The following PTH1R variants were observed in gnomAD, a reference collection of about 807,000 sequenced individuals.
PTH1R encodes parathyroid hormone 1 receptor.
In PTH1R, 32 loss-of-function variants were observed where a neutral mutation model predicts 70.7. The ratio of observed to expected loss-of-function variants is 0.45; its 90% CI spans 0.34 to 0.61. The LOEUF is 0.61. Ranked by LOEUF, PTH1R falls within the 20% of genes least tolerant of loss-of-function variation. PTH1R has a pLI of 0.01. For missense variants in PTH1R, 626 were observed against 792.5 expected (o/e 0.79, Z 2.52); for synonymous variants, 329 against 324.8 (o/e 1.01, Z -0.14).
rs2032224203 is a variant in PTH1R at position 46,903,022 on chromosome 3, T to C, written c.1395+232T>C. 1.0e-6 allele frequency: 1 copy of C among 962,298 alleles called. No individual in the cohort carries two copies. The highest frequency in any genetic ancestry group is 1.4e-5 in the South Asian group (1 of 72,112). 59.6% of individuals were successfully genotyped at this position (962,298 alleles called of 1,614,324 possible). A position where few individuals can be genotyped will look rare whatever the true frequency, so the allele number is the denominator to read the frequency against. ...GCCAAGTGTCTTCCCAGCCCCATGG[T>C]TCAATTATCTGTGACCCAGATTGGA... On this transcript the variant is annotated intron_variant, in intron 15 of 15. Coordinates refer to ENST00000449590, the MANE Select transcript of PTH1R (RefSeq NM_000316.3). This position sits in a 1 kb window ranked among gnomAD's most constrained non-coding sequence, Gnocchi z 4.4.
Position 46,891,510 on chromosome 3 carries a change from T to C in PTH1R, c.76-2397T>C, listed in dbSNP as rs2031414304. ...AAGGATGTGTGGGAGCCTCCGTCAG[T>C]CACTCCAGAGCTCTCCATCAGCTGG... is the stretch of plus-strand genomic sequence containing the variant. On this transcript the variant is annotated intron_variant, in intron 3 of 15. Transcript: ENST00000449590. This position sits in a 1 kb window ranked among gnomAD's most constrained non-coding sequence, Gnocchi z 4.3. Among the ~76,000 whole-genome samples the C allele has an allele frequency of 1.3e-5, 2 of 152,202 alleles. No individual in the cohort carries two copies. Among genetic ancestry groups the C allele is most frequent in the Non-Finnish European group, 2.9e-5 (2 of 68,030 alleles).
chr3:46,883,582 C>A lies in PTH1R; in HGVS notation c.23C>A (p.Pro8His). The A allele has an allele frequency of 6.5e-7, 1 of 1,540,134 alleles. No individual in the cohort carries two copies. Among genetic ancestry groups the A allele is most frequent in the East Asian group, 2.4e-5 (1 of 40,884 alleles). The part of the protein sequence containing the change: MGTARIA[P>H]GLALLLCCPV... ...GCGATGGGGACCGCCCGGATCGCAC[C>A]CGGCCTGGCGCTCCTGCTCTGCTGC... The change falls in exon 3 of 16, where the codon CCC becomes CAC. Residue 8 changes from proline to histidine, a missense_variant. Physicochemically the swap from Pro to His is moderately conservative, Grantham distance 77. This residue lies in a region of PTH1R where 123 missense variants were observed against 125.7 expected (regional missense o/e 0.98). Transcript: ENST00000449590. The surrounding 1 kb of genome is among the most constrained non-coding windows in gnomAD (Gnocchi z 6.4).
At position 46,893,794 on chromosome 3, in the gene PTH1R, T is replaced by G; in HGVS notation, c.76-113T>G. On this transcript the variant is annotated intron_variant, in intron 3 of 15. Coordinates refer to ENST00000449590, the MANE Select transcript of PTH1R (RefSeq NM_000316.3). This position sits in a 1 kb window ranked among gnomAD's most constrained non-coding sequence, Gnocchi z 5.2. ...CATGCAGGGGAAATCCCACCTTCCC[T>G]CTAGAGTCAGGGCCTTTTGAAAGGG... 2 of 955,614 alleles carry G rather than the reference T, an allele frequency of 2.1e-6. No homozygotes were observed. Among genetic ancestry groups the G allele is most frequent in the Non-Finnish European group, 3.3e-6 (2 of 603,524 alleles). 59.2% of individuals were successfully genotyped at this position (955,614 alleles called of 1,614,324 possible).
chr3:46,890,495 GC>G (rs1278623984), intron 3 of PTH1R, among the ~76,000 whole-genome samples: 3 of 132,270 alleles, frequency 2.3e-5, no homozygotes, highest in Non-Finnish European at 3.2e-5. Context: ...CTTCACAGCA[GC>G]TTTTTTTTTT....
chr3:46,880,938 A>G (rs1405332888), intron 1 of PTH1R, 124 bp from the exon 2 acceptor site: 2 of 152,216 alleles, frequency 1.3e-5, no homozygotes, highest in East Asian at 3.9e-4. Context: ...GAGGAGCTCA[A>G]TATCCACAGG....
chr3:46,902,828 G>A lies in PTH1R; in HGVS notation c.1395+38G>A, dbSNP rs200835132. The A allele has an allele frequency of 8.7e-6, 14 of 1,612,166 alleles. No homozygotes were observed. In the African/African-American group the frequency reaches 1.5e-4, roughly 17 times the overall value. On this transcript the variant is annotated intron_variant, in intron 15 of 15. Coordinates refer to ENST00000449590, the MANE Select transcript of PTH1R (RefSeq NM_000316.3). This position sits in a 1 kb window ranked among gnomAD's most constrained non-coding sequence, Gnocchi z 5.4. ...CAGTGTTGGCATAGGGCAGGGTGGG[G>A]CAGATACCCCAGAGGCTTCCTCAAG...
intron 3 of PTH1R, among the ~76,000 whole-genome samples, chr3:46,886,928 CTCTT>C (rs2031074048): frequency 6.6e-6 from 1 of 152,024 alleles, no homozygotes; most frequent in Admixed American, 6.6e-5. Context: ...TCTGGGTTTT[CTCTT>C]TCTTTTTTCT....
rs936184 is a variant in PTH1R, at chr3:46,896,757, A to C, written c.313+888A>C. 0.81 allele frequency among the ~76,000 whole-genome samples: 123,548 copies of C among 152,092 alleles called. 50,896 individuals carry two copies. The highest frequency in any genetic ancestry group is 0.95 in the African/African-American group (39,557 of 41,520). On this transcript the variant is annotated intron_variant, in intron 5 of 15. Coordinates refer to ENST00000449590, the MANE Select transcript of PTH1R (RefSeq NM_000316.3). The surrounding 1 kb of genome is among the most constrained non-coding windows in gnomAD (Gnocchi z 4.1). ...AAGCTGGGAGTGGAATGTGGAAGATACAGAGGCTGGGGACCCTCCAAGGTC... is the reference window on the plus strand; with the variant it reads ...AAGCTGGGAGTGGAATGTGGAAGATCCAGAGGCTGGGGACCCTCCAAGGTC...
rs777511841 is a variant in PTH1R, at chr3:46,903,300, C to T, written c.1426C>T (p.Arg476Cys). ...VQAEIKKSWS[R>C]WTLALDFKRK... Reference sequence around the variant, plus strand: ...AGCTGAGATCAAGAAATCTTGGAGCCGCTGGACACTGGCACTGGACTTCAA... The same window carrying T: ...AGCTGAGATCAAGAAATCTTGGAGCTGCTGGACACTGGCACTGGACTTCAA... Residue 476 changes from arginine to cysteine, a missense_variant, in exon 16 of 16, where the codon CGC (arginine) becomes TGC (cysteine). Coordinates refer to ENST00000449590, the MANE Select transcript of PTH1R (RefSeq NM_000316.3). The surrounding 1 kb of genome is among the most constrained non-coding windows in gnomAD (Gnocchi z 4.4). The T allele has an allele frequency of 5.0e-6, 8 of 1,613,286 alleles. No individual in the cohort carries two copies. The Admixed American group carries it at 6.7e-5, about 13-fold the overall frequency.
In PTH1R at chr3:46,902,462, G is replaced by C; in HGVS notation, c.1212-64G>C. ...GGAGCCTGGGGCTCGCAGGGTGGGG[G>C]GTGGCACAATGCTTGTTGAAGGGGA... On this transcript the variant is annotated intron_variant, in intron 13 of 15. Coordinates refer to ENST00000449590, the MANE Select transcript of PTH1R (RefSeq NM_000316.3). This position sits in a 1 kb window ranked among gnomAD's most constrained non-coding sequence, Gnocchi z 5.4. 3.1e-6 allele frequency: 5 copies of C among 1,590,352 alleles called. No individual in the cohort carries two copies. The highest frequency in any genetic ancestry group is 4.3e-6 in the Non-Finnish European group (5 of 1,168,802).
intron 3 of PTH1R, among the ~76,000 whole-genome samples, chr3:46,887,675 T>C (rs1423418111): frequency 6.6e-6 from 1 of 152,194 alleles, no homozygotes; most frequent in Non-Finnish European, 1.5e-5. Context: ...TGTCTGGTTG[T>C]TTTTAAATAA....
rs1320410875 is a variant in PTH1R at position 46,892,536 on chromosome 3, G to A, written c.76-1371G>A. 6.6e-6 allele frequency among the ~76,000 whole-genome samples: 1 copy of A among 152,208 alleles called. No homozygotes were observed. The highest frequency in any genetic ancestry group is 2.4e-5 in the African/African-American group (1 of 41,454). On this transcript the variant is annotated intron_variant, in intron 3 of 15. Coordinates refer to ENST00000449590, the MANE Select transcript of PTH1R (RefSeq NM_000316.3). The surrounding 1 kb of genome is among the most constrained non-coding windows in gnomAD (Gnocchi z 5.2). ...AGTGGAACCAGCAGAACCCAAGGCC[G>A]GCCGAGCCAATTGGAGACTCCTTGG... is the stretch of plus-strand genomic sequence containing the variant.
intron 4 of PTH1R, 130 bp from the exon 5 acceptor site, chr3:46,895,604 AC>A: frequency 6.5e-6 from 9 of 1,395,134 alleles, no homozygotes; most frequent in Non-Finnish European, 8.1e-6. Context: ...AGATCTCCCA[AC>A]AGCCTAGGTG....
At chr3:46,888,797 C>G (rs1188049692) in intron 3 of PTH1R, among the ~76,000 whole-genome samples, 1 of 152,204 alleles carries the variant, frequency 6.6e-6, no homozygotes, top group African/African-American at 2.4e-5. Flanking sequence ...GAAGATCCAC[C>G]AGGTCGTAGC....
In PTH1R at chr3:46,883,543, G is replaced by A. The variant is rs2030803046; in HGVS notation, c.-17G>A. 1.3e-6 allele frequency: 2 copies of A among 1,512,006 alleles called. No homozygotes were observed. Among genetic ancestry groups the A allele is most frequent in the Non-Finnish European group, 1.8e-6 (2 of 1,135,314 alleles). The allele number at this position is 1,512,006 out of a possible 1,614,324, so 93.7% of individuals were successfully genotyped here. ...CGGCGGCGGCTGCCCCGAGGGACGC[G>A]GCCCTAGGCGGTGGCGATGGGGACC... On this transcript the variant is annotated 5_prime_UTR_variant, in exon 3 of 16. Coordinates refer to ENST00000449590, the MANE Select transcript of PTH1R (RefSeq NM_000316.3). This position sits in a 1 kb window ranked among gnomAD's most constrained non-coding sequence, Gnocchi z 6.4.
Position 46,903,716 on chromosome 3 carries a change from G to T in PTH1R, c.*60G>T. The T allele has an allele frequency of 6.3e-7, 1 of 1,599,088 alleles. No homozygotes were observed. The highest frequency in any genetic ancestry group is 1.1e-5 in the South Asian group (1 of 90,814). ...GATGGACAGATGGACCAAAAGATGG[G>T]TGGTTGAATGATTTCCCACTCAGGG... On this transcript the variant is annotated 3_prime_UTR_variant, in exon 16 of 16. Transcript: ENST00000449590. The surrounding 1 kb of genome is among the most constrained non-coding windows in gnomAD (Gnocchi z 4.4).
intron 3 of PTH1R, among the ~76,000 whole-genome samples, chr3:46,890,120 G>GT (rs2031314282): frequency 6.6e-6 from 1 of 152,156 alleles, no homozygotes. Context: ...GAATCCTAAT[G>GT]TAAGTCCAGA....
chr3:46,882,443 G>A lies in PTH1R; in HGVS notation c.-48-1069G>A, dbSNP rs1205734320. 2 of 150,974 alleles carry A rather than the reference G, an allele frequency of 1.3e-5. No individual in the cohort carries two copies. The highest frequency in any genetic ancestry group is 3.0e-5 in the Non-Finnish European group (2 of 67,582). The allele number at this position is 150,974 out of a possible 1,614,324, so 9.4% of individuals were successfully genotyped here. On this transcript the variant is annotated intron_variant, in intron 2 of 15. Coordinates refer to ENST00000449590, the MANE Select transcript of PTH1R (RefSeq NM_000316.3). This position sits in a 1 kb window ranked among gnomAD's most constrained non-coding sequence, Gnocchi z 4.3. ...GGCCCCGACATCCATGGCAAGGCGG[G>A]GGCCGCGGCGGCGCGCTCGGAGTAA...
intron 3 of PTH1R, among the ~76,000 whole-genome samples, chr3:46,885,241 C>T (rs80064192): frequency 2.0e-5 from 3 of 152,158 alleles, no homozygotes; most frequent in Non-Finnish European, 4.4e-5. Context: ...TGTGAGTTCA[C>T]GTGTCTGAAG....
Sources: gnomAD v4.1 joint callset for allele counts (sites outside exome capture counted in the v4.1 genomes callset) on GRCh38, gnomAD v4.1.1 for gene constraint, gnomAD v4.1.1 regional missense constraint, Gnocchi (gnomAD v3.1) non-coding constraint, MANE v1.5 for transcripts, NCBI Gene and HGNC (gene_info 2026-07-23, HGNC 2026-07-21) for gene names.